DOCK3: variants seen among roughly 807,000 people sequenced by gnomAD.
DOCK3 encodes the protein dedicator of cytokinesis protein 3.
In DOCK3, 60 loss-of-function variants were observed where a neutral mutation model predicts 265.6. That is an observed-to-expected ratio of 0.23 (90% confidence interval 0.18 to 0.28). DOCK3 has a LOEUF of 0.28. Ranked by LOEUF, DOCK3 falls within the 10% of genes least tolerant of loss-of-function variation. DOCK3 has a pLI of 1.00. For synonymous variants in DOCK3, 881 were observed against 938.0 expected (o/e 0.94, Z 1.11); for missense variants, 1,981 against 2,594.3 (o/e 0.76, Z 5.14).
intron 12 of DOCK3, among the ~76,000 whole-genome samples, chr3:51,187,961 T>C (rs961894441): frequency 1.3e-5 from 2 of 152,084 alleles, no homozygotes; most frequent in African/African-American, 4.8e-5. Flanking sequence ...GAATGATTTC[T>C]CAAGATGTGC....
chr3:51,206,571 AAGAG>A (rs879720177), intron 12 of DOCK3, among the ~76,000 whole-genome samples: 20 of 152,262 alleles, frequency 1.3e-4, no homozygotes, highest in East Asian at 3.9e-4. Flanking sequence ...TTAAAAAAAA[AAGAG>A]AGAGACGGGG....
At chr3:50,812,682 A>T (rs2043832763) in intron 2 of DOCK3, among the ~76,000 whole-genome samples, 1 of 152,200 alleles carries the variant, frequency 6.6e-6, no homozygotes, top group African/African-American at 2.4e-5. Context: ...AAAAGATCAG[A>T]TGTGGGCCAC....
intron 2 of DOCK3, among the ~76,000 whole-genome samples, chr3:50,796,487 C>T (rs1163038061): frequency 1.6e-4 from 25 of 152,094 alleles, no homozygotes; most frequent in African/African-American, 5.3e-4. Context: ...TATAGGCATG[C>T]GTCACCACGC....
intron 1 of DOCK3, among the ~76,000 whole-genome samples, chr3:50,754,807 C>T (rs2040057318): frequency 6.6e-6 from 1 of 152,032 alleles, no homozygotes; most frequent in South Asian, 2.1e-4. Context: ...AATCCATCTG[C>T]CTCGGCCTCC....
At chr3:51,166,834 T>C (rs1302980359) in intron 12 of DOCK3, among the ~76,000 whole-genome samples, 1 of 152,248 alleles carries the variant, frequency 6.6e-6, no homozygotes, top group East Asian at 1.9e-4. Context: ...AATTCAGTTA[T>C]ATGAGTTCTT....
At chr3:50,971,672 G>C (rs932462007) in intron 5 of DOCK3, among the ~76,000 whole-genome samples, 6 of 151,930 alleles carry the variant, frequency 3.9e-5, no homozygotes, top group Non-Finnish European at 8.8e-5. Flanking sequence ...GGCAGAAGCA[G>C]ATGTGTATAT....
chr3:51,002,942 A>G (rs2078538128), intron 5 of DOCK3, among the ~76,000 whole-genome samples: 1 of 152,200 alleles, frequency 6.6e-6, no homozygotes, highest in Non-Finnish European at 1.5e-5. Flanking sequence ...ATTTTAAATG[A>G]TTATTATTCA....
At chr3:50,798,224 A>C (rs1486029994) in intron 2 of DOCK3, among the ~76,000 whole-genome samples, 1 of 152,268 alleles carries the variant, frequency 6.6e-6, no homozygotes, top group Admixed American at 6.5e-5. Context: ...CAAGAGTCAT[A>C]CTTCACAGAG....
intron 1 of DOCK3, among the ~76,000 whole-genome samples, chr3:50,753,633 G>A (rs2039975469): frequency 6.6e-6 from 1 of 152,112 alleles, no homozygotes; most frequent in Non-Finnish European, 1.5e-5. Context: ...AAATTGCTGG[G>A]ATTACAGGCG....
At chr3:50,842,041 G>C (rs1437849807) in intron 3 of DOCK3, among the ~76,000 whole-genome samples, 1 of 151,980 alleles carries the variant, frequency 6.6e-6, no homozygotes, top group Non-Finnish European at 1.5e-5. Context: ...CATATAATTA[G>C]ATGAATTGTT....
chr3:50,949,858 A>G (rs1485408934), intron 5 of DOCK3, among the ~76,000 whole-genome samples: 1 of 152,010 alleles, frequency 6.6e-6, no homozygotes, highest in Admixed American at 6.5e-5. Flanking sequence ...TTAGTAACCT[A>G]TATAGGAAAT....
intron 1 of DOCK3, among the ~76,000 whole-genome samples, chr3:50,719,161 T>C (rs974737660): frequency 8.6e-5 from 13 of 151,874 alleles, no homozygotes; most frequent in East Asian, 5.8e-4. Context: ...TGTATTCTCT[T>C]TTTTTTTAGG....
chr3:51,338,861 C>T (rs1010838804), intron 36 of DOCK3, 74 bp from the exon 37 acceptor site: 1 of 1,320,320 alleles, frequency 7.6e-7, no homozygotes, highest in Non-Finnish European at 1.1e-6. Context: ...ACACCCACGG[C>T]TATGGCCAGC....
chr3:50,889,065 G>GA (rs1361295485), intron 3 of DOCK3, among the ~76,000 whole-genome samples: 9 of 120,302 alleles, frequency 7.5e-5, no homozygotes, highest in African/African-American at 3.1e-4. Flanking sequence ...TTTAAGCCAT[G>GA]GGTGTGTGTG....
At chr3:50,888,299 A>G (rs1005579248) in intron 3 of DOCK3, among the ~76,000 whole-genome samples, 4 of 152,178 alleles carry the variant, frequency 2.6e-5, no homozygotes, top group Non-Finnish European at 5.9e-5. Context: ...AATCCAACTT[A>G]CAAGGGATGT....
chr3:50,921,717 C>T (rs151247577), intron 4 of DOCK3, among the ~76,000 whole-genome samples: 7 of 152,284 alleles, frequency 4.6e-5, no homozygotes, highest in African/African-American at 1.7e-4. Flanking sequence ...ATGATGGTGA[C>T]ATACAGCTGG....
chr3:51,212,003 A>C lies in DOCK3; in HGVS notation c.1127-2119A>C, dbSNP rs186238491. Among the ~76,000 whole-genome samples the C allele has an allele frequency of 7.9e-5, 12 of 152,308 alleles. No homozygotes were observed. The East Asian group carries it at 2.3e-3, about 29-fold the overall frequency. ...AGTGGGTCACTTTACTGAACTATTC[A>C]TGAAGGCTCTCTTGTGCTCAGAATC... On this transcript the variant is annotated intron_variant, in intron 13 of 52. Coordinates refer to ENST00000266037, the MANE Select transcript of DOCK3 (RefSeq NM_004947.5).
chr3:51,203,056 A>G (rs1234434252), intron 12 of DOCK3, among the ~76,000 whole-genome samples: 3 of 152,232 alleles, frequency 2.0e-5, no homozygotes, highest in Admixed American at 6.5e-5. Context: ...CCCACAGCCA[A>G]TATCATATTG....
rs766155504 is a variant in DOCK3 at position 51,237,604 on chromosome 3, G to A, written c.2102+14G>A. On this transcript the variant is annotated intron_variant, in intron 21 of 52. Transcript: ENST00000266037. ...TCTGGCATACAAGTAAGTTCCATTT[G>A]GTATCATCATTAGGACTCGTGTTTG... is the stretch of plus-strand genomic sequence containing the variant. The A allele has an allele frequency of 1.9e-6, 3 of 1,605,588 alleles. No individual in the cohort carries two copies. The highest frequency in any genetic ancestry group is 4.5e-5 in the East Asian group (2 of 44,804).
Sources: allele counts gnomAD v4.1 joint callset (sites outside exome capture counted in the v4.1 genomes callset), GRCh38; gene constraint gnomAD v4.1.1; transcripts MANE v1.5; gene names NCBI Gene and HGNC (gene_info 2026-07-23, HGNC 2026-07-21).